NRG3: variants seen among roughly 807,000 people sequenced by gnomAD.
The protein encoded by NRG3 is pro-neuregulin-3, membrane-bound isoform.
NRG3 carries 31 observed loss-of-function variants against 66.9 expected under a neutral mutation model. The observed-to-expected ratio is 0.46, with a 90% CI of 0.35 to 0.63. NRG3 has a LOEUF of 0.63. Among genes scored for constraint, NRG3 ranks in the 20% least tolerant of loss-of-function variants. The pLI, the probability that NRG3 is intolerant of heterozygous loss-of-function variation, is 0.00. For synonymous variants in NRG3, 393 were observed against 359.4 expected (o/e 1.09, Z -1.06); for missense variants, 910 against 878.9 (o/e 1.04, Z -0.45).
chr10:82,733,611 C>T (rs2820104), intron 2 of NRG3, among the ~76,000 whole-genome samples: 89,897 of 152,030 alleles, frequency 0.59, 26,927 homozygotes, highest in Admixed American at 0.62. Flanking sequence ...AGTGAAGCAA[C>T]AATAACACCT....
intron 3 of NRG3, among the ~76,000 whole-genome samples, chr10:82,835,179 T>TCAGCAAA (rs2062713326): frequency 1.3e-5 from 2 of 152,238 alleles, no homozygotes; most frequent in South Asian, 4.2e-4. Flanking sequence ...CAAAGTATGG[T>TCAGCAAA]CCTGATAAAA....
intron 1 of NRG3, among the ~76,000 whole-genome samples, chr10:81,977,196 CT>C (rs2060156282): frequency 6.6e-6 from 1 of 152,136 alleles, no homozygotes; most frequent in Non-Finnish European, 1.5e-5. Context: ...TATTGCCTCC[CT>C]CATACTCTTG....
chr10:82,465,151 G>T lies in NRG3; in HGVS notation c.953+106283G>T, dbSNP rs1490132551. Among the ~76,000 whole-genome samples the T allele has an allele frequency of 1.5e-4, 23 of 152,208 alleles. 1 individual carries two copies. Among genetic ancestry groups the T allele is most frequent in the Admixed American group, 1.5e-3 (23 of 15,276 alleles). ...TGGCTGCAAGGCTAACGATAATGGG[G>T]CTATTAACTAAATAACGGTGCTGGC... On this transcript the variant is annotated intron_variant, in intron 2 of 8. Coordinates refer to ENST00000372141, the MANE Select transcript of NRG3 (RefSeq NM_001010848.4).
At chr10:82,177,625 G>A (rs1009977454) in intron 1 of NRG3, among the ~76,000 whole-genome samples, 2 of 152,134 alleles carry the variant, frequency 1.3e-5, no homozygotes, top group Non-Finnish European at 2.9e-5. Flanking sequence ...GAAGGCTAGA[G>A]TACACTGGAG....
At chr10:82,646,230 G>C (rs1172323648) in intron 2 of NRG3, among the ~76,000 whole-genome samples, 1 of 152,128 alleles carries the variant, frequency 6.6e-6, no homozygotes, top group African/African-American at 2.4e-5. Context: ...GGGTTTTACA[G>C]AGGCAGGCAG....
intron 1 of NRG3, among the ~76,000 whole-genome samples, chr10:82,277,146 T>G (rs182547674): frequency 6.6e-6 from 1 of 150,798 alleles, no homozygotes; most frequent in East Asian, 1.9e-4. Context: ...ACATTTTCAT[T>G]GCAATAATAT....
intron 1 of NRG3, among the ~76,000 whole-genome samples, chr10:82,193,555 A>G (rs2074280495): frequency 6.6e-6 from 1 of 152,208 alleles, no homozygotes; most frequent in Admixed American, 6.5e-5. Flanking sequence ...TCTGGGTAGA[A>G]GTTTCTGGTT....
intron 2 of NRG3, among the ~76,000 whole-genome samples, chr10:82,727,085 T>A (rs376489103): frequency 2.6e-5 from 4 of 152,140 alleles, no homozygotes; most frequent in African/African-American, 9.7e-5. Flanking sequence ...GTGACTTGGG[T>A]GCTGTTAAAG....
intron 2 of NRG3, among the ~76,000 whole-genome samples, chr10:82,598,700 G>A (rs1357968442): frequency 1.3e-5 from 2 of 152,262 alleles, no homozygotes; most frequent in East Asian, 3.9e-4. Flanking sequence ...ACTGTCTCTG[G>A]TGACTTTGAT....
Position 82,695,674 on chromosome 10 carries a change from A to G in NRG3, c.954-42903A>G, listed in dbSNP as rs533948344. ...TTCTCCTATTATGTTATATAAATTT[A>G]TAGCGAGGAAAATAAAGATATTTTA... On this transcript the variant is annotated intron_variant, in intron 2 of 8. Coordinates refer to ENST00000372141, the MANE Select transcript of NRG3 (RefSeq NM_001010848.4). Among the ~76,000 whole-genome samples, 3 of 152,272 alleles carry G rather than the reference A, an allele frequency of 2.0e-5. No homozygotes were observed. In the East Asian group the frequency reaches 5.8e-4, roughly 29 times the overall value.
intron 3 of NRG3, among the ~76,000 whole-genome samples, chr10:82,767,191 A>G (rs2059549776): frequency 1.3e-5 from 2 of 151,962 alleles, no homozygotes; most frequent in Non-Finnish European, 2.9e-5. Context: ...ACTCACAGTG[A>G]CCAGTTATTT....
intron 2 of NRG3, among the ~76,000 whole-genome samples, chr10:82,362,026 C>T (rs17099862): frequency 0.23 from 28,651 of 122,488 alleles, 3,051 homozygotes; most frequent in East Asian, 0.36. Flanking sequence ...TCTCAAGGAA[C>T]GATAAGAACA....
At chr10:82,221,693 A>T (rs1449283258) in intron 1 of NRG3, among the ~76,000 whole-genome samples, 1 of 152,194 alleles carries the variant, frequency 6.6e-6, no homozygotes, top group African/African-American at 2.4e-5. Context: ...AAAACAAGTG[A>T]TTTCATGTAG....
chr10:81,875,966 G>C lies in NRG3; in HGVS notation c.626G>C (p.Arg209Pro), dbSNP rs1204621890. ...PFFSSSTLGS[R>P]PPVPGTPSTQ... ...TTCAGTAGCAGCACGCTGGGCTCCC[G>C]ACCCCCGGTGCCAGGAACTCCAAGT... Residue 209 changes from arginine to proline, a missense_variant, in exon 1 of 9, where the codon CGA becomes CCA. By Grantham distance (103) the Arg-to-Pro change is moderately radical. Coordinates refer to ENST00000372141, the MANE Select transcript of NRG3 (RefSeq NM_001010848.4). This position sits in a 1 kb window ranked among gnomAD's most constrained non-coding sequence, Gnocchi z 5.3. The C allele has an allele frequency of 6.2e-7, 1 of 1,613,864 alleles. No individual in the cohort carries two copies. Among genetic ancestry groups the C allele is most frequent in the Non-Finnish European group, 8.5e-7 (1 of 1,179,988 alleles).
chr10:82,689,357 G>GCA (rs1349842747), intron 2 of NRG3, among the ~76,000 whole-genome samples: 1 of 152,078 alleles, frequency 6.6e-6, no homozygotes, highest in Non-Finnish European at 1.5e-5. Flanking sequence ...CCTGGATTCT[G>GCA]CACACACTAG....
At chr10:82,655,697 G>A (rs909238254) in intron 2 of NRG3, among the ~76,000 whole-genome samples, 3 of 152,280 alleles carry the variant, frequency 2.0e-5, no homozygotes, top group South Asian at 2.1e-4. Context: ...TTACAGTATT[G>A]TTTGAAAGAA....
intron 3 of NRG3, among the ~76,000 whole-genome samples, chr10:82,846,600 C>A (rs2063319468): frequency 6.6e-6 from 1 of 152,024 alleles, no homozygotes; most frequent in Non-Finnish European, 1.5e-5. Flanking sequence ...CTTGAAAAAG[C>A]AGAACAATCA....
chr10:82,638,723 T>G (rs1432559459), intron 2 of NRG3, among the ~76,000 whole-genome samples: 1 of 152,048 alleles, frequency 6.6e-6, no homozygotes, highest in Non-Finnish European at 1.5e-5. Context: ...CTCAGCTAAC[T>G]GCAGCTTCCA....
At position 82,958,944 on chromosome 10, in the gene NRG3, T is replaced by A. The variant is rs762786520; in HGVS notation, c.1158-5T>A. On this transcript the variant is annotated splice_region_variant and splice_polypyrimidine_tract_variant and intron_variant, in intron 5 of 8. Transcript: ENST00000372141. ...ATATTTGTACACGTTTATTTATGCC[T>A]GCAGGAAACAAGCTAAACAAATCCA... The A allele has an allele frequency of 1.3e-6, 2 of 1,571,354 alleles. No homozygotes were observed. The highest frequency in any genetic ancestry group is 2.8e-5 in the African/African-American group (2 of 72,666).
Sources: allele counts gnomAD v4.1 joint callset (sites outside exome capture counted in the v4.1 genomes callset), GRCh38; gene constraint gnomAD v4.1.1; non-coding constraint Gnocchi (gnomAD v3.1); transcripts MANE v1.5; gene names NCBI Gene and HGNC (gene_info 2026-07-23, HGNC 2026-07-21).